The following VPS37A variants were observed in gnomAD, a reference collection of about 807,000 sequenced individuals.
VPS37A encodes vacuolar protein sorting-associated protein 37A.
A neutral mutation model predicts 49.8 loss-of-function variants in VPS37A; 30 were observed. That is an observed-to-expected ratio of 0.60 (90% CI 0.45 to 0.82). The LOEUF (loss-of-function observed/expected upper bound fraction) is 0.82. VPS37A is among the 40% of genes least tolerant of loss of function. VPS37A has a pLI of 0.00. For synonymous variants in VPS37A, 195 were observed against 160.6 expected (o/e 1.21, Z -1.62); for missense variants, 593 against 464.4 (o/e 1.28, Z -2.55).
At chr8:17,274,598 T>G (rs1814329113) in intron 4 of VPS37A, 135 bp from the exon 5 acceptor site, 1 of 580,198 alleles carries the variant, frequency 1.7e-6, no homozygotes. Flanking sequence ...ATTATATAAT[T>G]TAATAAATAT....
intron 9 of VPS37A, among the ~76,000 whole-genome samples, chr8:17,281,596 C>T (rs966120429): frequency 8.6e-5 from 13 of 151,920 alleles, no homozygotes; most frequent in Admixed American, 2.6e-4. Flanking sequence ...AGAGTAATGC[C>T]TCATGATCAC....
chr8:17,327,382 C>T, the VPS37A span, among the ~76,000 whole-genome samples: 7 of 152,134 alleles, frequency 4.6e-5, no homozygotes, highest in African/African-American at 1.7e-4. Context: ...GTGATCCTCC[C>T]ACATCAGCTT....
At chr8:17,257,008 A>G (rs1812527758) in intron 1 of VPS37A, among the ~76,000 whole-genome samples, 1 of 152,320 alleles carries the variant, frequency 6.6e-6, no homozygotes, top group South Asian at 2.1e-4. Flanking sequence ...GCCTAGAACA[A>G]TGTACTGAAG....
At chr8:17,252,668 G>T (rs1369087642) in intron 1 of VPS37A, among the ~76,000 whole-genome samples, 2 of 152,124 alleles carry the variant, frequency 1.3e-5, no homozygotes, top group African/African-American at 4.8e-5. Context: ...GCTTTGCTGG[G>T]CTACCCACTA....
intron 1 of VPS37A, among the ~76,000 whole-genome samples, chr8:17,265,058 C>T (rs1314682128): frequency 2.6e-5 from 4 of 152,122 alleles, no homozygotes; most frequent in Admixed American, 6.6e-5. Flanking sequence ...ACACATAAAG[C>T]AAATTCAGAG....
downstream of VPS37A, chr8:17,299,936 C>T: frequency 6.2e-7 from 1 of 1,614,154 alleles, no homozygotes; most frequent in Non-Finnish European, 8.5e-7. Context: ...TGCTCACCAC[C>T]ACTTGGAGAC....
chr8:17,247,411 G>A, intron 1 of VPS37A, 42 bp downstream of exon 1: 1 of 1,518,906 alleles, frequency 6.6e-7, no homozygotes. Flanking sequence ...AAAGTAGGGT[G>A]GGAGGGCGGG....
chr8:17,263,554 G>T (rs912841596), intron 1 of VPS37A, among the ~76,000 whole-genome samples: 1 of 152,072 alleles, frequency 6.6e-6, no homozygotes, highest in Admixed American at 6.5e-5. Context: ...ACTGTCATCA[G>T]TATAACTGGA....
chr8:17,314,571 G>A, the VPS37A span, among the ~76,000 whole-genome samples: 3 of 152,108 alleles, frequency 2.0e-5, no homozygotes, highest in African/African-American at 7.2e-5. Context: ...CTCCAAGAAT[G>A]CAGATAAGAG....
chr8:17,257,192 C>A (rs979110401), intron 1 of VPS37A, among the ~76,000 whole-genome samples: 2 of 152,108 alleles, frequency 1.3e-5, no homozygotes, highest in African/African-American at 4.8e-5. Context: ...CATCCTTTCT[C>A]CGTTGTATGT....
intron 9 of VPS37A, among the ~76,000 whole-genome samples, chr8:17,283,328 G>C (rs1052254623): frequency 6.6e-6 from 1 of 151,930 alleles, no homozygotes; most frequent in African/African-American, 2.4e-5. Flanking sequence ...GCTAATTTTT[G>C]TATTTTTTGT....
At position 17,296,811 on chromosome 8, in the gene VPS37A, TTTTATTC is replaced by T. The variant is rs1030365982; in HGVS notation, c.*1830_*1836del. On this transcript the variant is annotated 3_prime_UTR_variant, in exon 12 of 12. Coordinates refer to ENST00000324849, the MANE Select transcript of VPS37A (RefSeq NM_152415.3). ...CACATGAGTAGTTCATCTCAGTGTT[TTTTATTC>T]TTTAAAGTTGAACTATCCCAGTTTC... 2.0e-5 allele frequency: 3 copies of T among 152,170 alleles called. No individual in the cohort carries two copies. Among genetic ancestry groups the T allele is most frequent in the African/African-American group, 7.2e-5 (3 of 41,458 alleles). 9.4% of individuals were successfully genotyped at this position (152,170 alleles called of 1,614,324 possible). A position where few individuals can be genotyped will look rare whatever the true frequency, so the allele number is the denominator to read the frequency against.
intron 2 of VPS37A, 127 bp downstream of exon 2, chr8:17,266,108 C>A: frequency 1.3e-6 from 1 of 784,660 alleles, no homozygotes; most frequent in Non-Finnish European, 2.0e-6. Flanking sequence ...TAAAATAGTG[C>A]ACAATTCAGT....
At chr8:17,310,851 G>T in the VPS37A span, among the ~76,000 whole-genome samples, 1 of 152,106 alleles carries the variant, frequency 6.6e-6, no homozygotes, top group African/African-American at 2.4e-5. Flanking sequence ...TGGTTAAGAG[G>T]TGAATTCATT....
At chr8:17,330,108 C>G in the VPS37A span, among the ~76,000 whole-genome samples, 50 of 152,304 alleles carry the variant, frequency 3.3e-4, 1 homozygote, top group East Asian at 8.9e-3. Flanking sequence ...CCAGAAAGTC[C>G]AGGAAACAGA....
chr8:17,268,454 C>G, intron 3 of VPS37A, 82 bp downstream of exon 3: 2 of 1,047,086 alleles, frequency 1.9e-6, no homozygotes, highest in South Asian at 1.8e-5. Flanking sequence ...ATCTGAAATG[C>G]ATTTAAAGTT....
chr8:17,319,347 A>G, the VPS37A span, among the ~76,000 whole-genome samples: 1 of 152,250 alleles, frequency 6.6e-6, no homozygotes, highest in Non-Finnish European at 1.5e-5. Flanking sequence ...AATGGTAGCT[A>G]TGATACACAT....
At chr8:17,308,366 GC>G in the VPS37A span, among the ~76,000 whole-genome samples, 1 of 152,032 alleles carries the variant, frequency 6.6e-6, no homozygotes, top group African/African-American at 2.4e-5. Context: ...CTAATTGGGG[GC>G]TTTAATTTTC....
intron 9 of VPS37A, among the ~76,000 whole-genome samples, chr8:17,282,541 A>C (rs1025922455): frequency 6.6e-6 from 1 of 152,162 alleles, no homozygotes; most frequent in Non-Finnish European, 1.5e-5. Context: ...TGAAATCAAA[A>C]TTGAAGTTAA....
Sources: gnomAD v4.1 joint callset for allele counts (sites outside exome capture counted in the v4.1 genomes callset) on GRCh38, gnomAD v4.1.1 for gene constraint, MANE v1.5 for transcripts, NCBI Gene and HGNC (gene_info 2026-07-23, HGNC 2026-07-21) for gene names.